Variants in TAFA1 observed in about 807,000 individuals in gnomAD.
TAFA1 encodes the protein TAFA chemokine like family member 1, also known as chemokine-like protein TAFA-1.
A neutral mutation model predicts 18.5 loss-of-function variants in TAFA1; 4 were observed. The ratio of observed to expected loss-of-function variants is 0.22; its 90% CI spans 0.11 to 0.49. The LOEUF is 0.49. Among genes scored for constraint, TAFA1 ranks in the 20% least tolerant of loss-of-function variants. The pLI, the probability that TAFA1 is intolerant of heterozygous loss-of-function variation, is 0.98. For missense variants in TAFA1, 147 were observed against 169.0 expected (o/e 0.87, Z 0.72); for synonymous variants, 56 against 55.2 (o/e 1.01, Z -0.06).
At chr3:68,445,383 A>G (rs1038416507) in intron 3 of TAFA1, among the ~76,000 whole-genome samples, 1 of 152,152 alleles carries the variant, frequency 6.6e-6, no homozygotes, top group African/African-American at 2.4e-5. Context: ...TTCAGCACTG[A>G]AGGATTATCT....
At chr3:68,412,006 C>G (rs17047640) in intron 2 of TAFA1, among the ~76,000 whole-genome samples, 24,137 of 152,072 alleles carry the variant, frequency 0.16, 2,510 homozygotes, top group East Asian at 0.35. Flanking sequence ...ACCAGTGTAC[C>G]TGAGCAGCAT....
At chr3:68,259,315 A>G (rs1463403751) in intron 2 of TAFA1, among the ~76,000 whole-genome samples, 2 of 152,208 alleles carry the variant, frequency 1.3e-5, no homozygotes, top group Non-Finnish European at 2.9e-5. Context: ...AGGATGCAAA[A>G]TGAACAAGAA....
At chr3:68,446,418 A>G (rs954821679) in intron 3 of TAFA1, among the ~76,000 whole-genome samples, 2 of 152,172 alleles carry the variant, frequency 1.3e-5, no homozygotes, top group African/African-American at 2.4e-5. Flanking sequence ...GAAGACAGCA[A>G]GAGTCCTGGC....
chr3:68,178,494 A>G (rs1313816526), intron 2 of TAFA1, among the ~76,000 whole-genome samples: 1 of 152,210 alleles, frequency 6.6e-6, no homozygotes, highest in African/African-American at 2.4e-5. Context: ...TTAATAATGG[A>G]GAGATGGGTA....
At chr3:68,118,703 AT>A (rs1301613249) in intron 2 of TAFA1, among the ~76,000 whole-genome samples, 6 of 152,256 alleles carry the variant, frequency 3.9e-5, no homozygotes, top group Non-Finnish European at 7.4e-5. Context: ...ATATAGCAAG[AT>A]TTCCTTCCTT....
At chr3:68,107,711 T>C (rs899708037) in intron 2 of TAFA1, among the ~76,000 whole-genome samples, 1 of 152,128 alleles carries the variant, frequency 6.6e-6, no homozygotes, top group Non-Finnish European at 1.5e-5. Context: ...AGCTTAGAAT[T>C]CTCCCTCTCA....
At chr3:68,479,451 C>T (rs939787463) in intron 3 of TAFA1, among the ~76,000 whole-genome samples, 1 of 151,942 alleles carries the variant, frequency 6.6e-6, no homozygotes, top group Admixed American at 6.6e-5. Flanking sequence ...TTCCAGAGAT[C>T]AATGTCAGCA....
chr3:68,521,476 C>G (rs1427532283), intron 3 of TAFA1, among the ~76,000 whole-genome samples: 1 of 152,090 alleles, frequency 6.6e-6, no homozygotes, highest in East Asian at 1.9e-4. Context: ...AATCACTGGC[C>G]TCACGAAGCG....
chr3:68,048,486 TATATA>T (rs1038693020), intron 2 of TAFA1, among the ~76,000 whole-genome samples: 2 of 152,066 alleles, frequency 1.3e-5, no homozygotes, highest in African/African-American at 4.8e-5. Context: ...TATTTTCAAA[TATATA>T]ATATATTATT....
intron 2 of TAFA1, among the ~76,000 whole-genome samples, chr3:68,052,603 C>A (rs768474599): frequency 2.6e-5 from 4 of 152,132 alleles, no homozygotes; most frequent in Non-Finnish European, 5.9e-5. Context: ...TAGGTATGTC[C>A]CCTGGCTTTA....
intron 2 of TAFA1, among the ~76,000 whole-genome samples, chr3:68,167,556 G>A (rs2065998553): frequency 7.5e-6 from 1 of 134,022 alleles, no homozygotes. Context: ...CAGCCTGGGT[G>A]ACAGAGCAAG....
chr3:68,350,279 A>G (rs1189775811), intron 2 of TAFA1, among the ~76,000 whole-genome samples: 1 of 152,170 alleles, frequency 6.6e-6, no homozygotes, highest in African/African-American at 2.4e-5. Flanking sequence ...AAAGAAAAGC[A>G]AAATGTTGAG....
chr3:68,387,435 A>G (rs1363676893), intron 2 of TAFA1, among the ~76,000 whole-genome samples: 1 of 152,132 alleles, frequency 6.6e-6, no homozygotes, highest in Non-Finnish European at 1.5e-5. Context: ...TATTTTTTAC[A>G]TTAAATAGTG....
At chr3:68,052,976 G>A (rs1296765959) in intron 2 of TAFA1, among the ~76,000 whole-genome samples, 1 of 152,120 alleles carries the variant, frequency 6.6e-6, no homozygotes, top group Non-Finnish European at 1.5e-5. Flanking sequence ...AATTTGCCTT[G>A]CATTGGACAG....
At chr3:68,112,786 G>T (rs12487897) in intron 2 of TAFA1, among the ~76,000 whole-genome samples, 27,228 of 151,290 alleles carry the variant, frequency 0.18, 2,848 homozygotes, top group Admixed American at 0.24. Flanking sequence ...AAAATAAACA[G>T]AAAAAAATGA....
intron 2 of TAFA1, among the ~76,000 whole-genome samples, chr3:68,105,336 G>A (rs2065191645): frequency 6.6e-6 from 1 of 152,088 alleles, no homozygotes; most frequent in African/African-American, 2.4e-5. Context: ...CCTAACATTT[G>A]AGACTTTGCA....
At chr3:68,473,750 G>T (rs1575900001) in intron 3 of TAFA1, among the ~76,000 whole-genome samples, 1 of 152,262 alleles carries the variant, frequency 6.6e-6, no homozygotes. Flanking sequence ...TTTCTAGTGT[G>T]CTTTCTGCTC....
In TAFA1 at chr3:68,467,512, G is replaced by A. The variant is rs75027025; in HGVS notation, c.259+50092G>A. The stretch of plus-strand genomic sequence containing the variant: ...GGTGGTAAGGAAGATTTTATTCAAG[G>A]TGGGCCATGATGATAGATGTGAAGA... On this transcript the variant is annotated intron_variant, in intron 3 of 4. Transcript: ENST00000478136. Among the ~76,000 whole-genome samples the A allele has an allele frequency of 3.9e-3, 596 of 152,288 alleles. 5 individuals are homozygous for A. The highest frequency in any genetic ancestry group is 0.013 in the African/African-American group (539 of 41,564).
chr3:68,520,998 G>A (rs186819782), intron 3 of TAFA1, among the ~76,000 whole-genome samples: 1 of 152,282 alleles, frequency 6.6e-6, no homozygotes, highest in East Asian at 1.9e-4. Context: ...ATGCCCAACT[G>A]AAGCAGCTTT....
Sources: gnomAD v4.1 joint callset for allele counts (sites outside exome capture counted in the v4.1 genomes callset) on GRCh38, gnomAD v4.1.1 for gene constraint, MANE v1.5 for transcripts, NCBI Gene and HGNC (gene_info 2026-07-23, HGNC 2026-07-21) for gene names.